MDFIC2: variants seen among roughly 807,000 people sequenced by gnomAD.
The protein encoded by MDFIC2 is MyoD family inhibitor domain containing 2.
chr3:70,207,588 A>G (rs73116290), intron 2 of MDFIC2, among the ~76,000 whole-genome samples: 31,667 of 151,968 alleles, frequency 0.21, 3,801 homozygotes, highest in Non-Finnish European at 0.28. Context: ...CACATCCCCA[A>G]TACAACAAAT....
At chr3:70,204,294 C>G (rs184899561) in intron 3 of MDFIC2, among the ~76,000 whole-genome samples, 1 of 151,918 alleles carries the variant, frequency 6.6e-6, no homozygotes, top group East Asian at 1.9e-4. Context: ...TATCTCAGTA[C>G]GAACAATGAC....
chr3:70,269,967 A>G (rs1010113281), intron 2 of MDFIC2, among the ~76,000 whole-genome samples: 3 of 152,208 alleles, frequency 2.0e-5, no homozygotes, highest in African/African-American at 7.2e-5. Context: ...ATGATCCTCA[A>G]ATAAAGAGAA....
chr3:70,252,119 A>C (rs1035778545), intron 2 of MDFIC2, among the ~76,000 whole-genome samples: 2 of 152,212 alleles, frequency 1.3e-5, no homozygotes, highest in Admixed American at 6.5e-5. Flanking sequence ...AATTCAGCTC[A>C]TATAGATCTG....
chr3:70,290,526 C>G, intron 2 of MDFIC2, among the ~76,000 whole-genome samples: 1 of 152,228 alleles, frequency 6.6e-6, no homozygotes, highest in Admixed American at 6.5e-5. Flanking sequence ...TGTCTGTGCC[C>G]TGCCCCCAGA....
chr3:70,292,680 A>G (rs1702250046), intron 2 of MDFIC2, among the ~76,000 whole-genome samples: 1 of 152,198 alleles, frequency 6.6e-6, no homozygotes, highest in Non-Finnish European at 1.5e-5. Context: ...TCATTTCCAA[A>G]TGTTTTCTCT....
intron 2 of MDFIC2, among the ~76,000 whole-genome samples, chr3:70,232,582 T>C (rs558480890): frequency 3.9e-4 from 60 of 152,026 alleles, no homozygotes; most frequent in African/African-American, 1.4e-3. Context: ...GTATTTTTGA[T>C]AGAGACGGGG....
chr3:70,223,485 G>A (rs1376340394), intron 2 of MDFIC2, among the ~76,000 whole-genome samples: 1 of 152,088 alleles, frequency 6.6e-6, no homozygotes, highest in Admixed American at 6.6e-5. Context: ...TCCTTCCTGA[G>A]CAAAAGTTAC....
intron 2 of MDFIC2, among the ~76,000 whole-genome samples, chr3:70,276,904 C>A (rs9827678): frequency 0.042 from 6,448 of 152,082 alleles, 152 homozygotes; most frequent in Middle Eastern, 0.078. Context: ...AGTTTATGTT[C>A]TCAACTGTAA....
chr3:70,199,021 A>G (rs995323812), intron 3 of MDFIC2, among the ~76,000 whole-genome samples: 1 of 152,228 alleles, frequency 6.6e-6, no homozygotes, highest in Non-Finnish European at 1.5e-5. Flanking sequence ...CTGCACTGGC[A>G]AAGAAGAGGC....
intron 2 of MDFIC2, among the ~76,000 whole-genome samples, chr3:70,304,892 C>T (rs551367801): frequency 6.6e-6 from 1 of 152,228 alleles, no homozygotes; most frequent in East Asian, 1.9e-4. Context: ...CTTCTTTCCC[C>T]TTTTTCGTCA....
chr3:70,283,901 T>G (rs1179788402), intron 2 of MDFIC2: 1 of 152,158 alleles, frequency 6.6e-6, no homozygotes. Context: ...TAATCAAGTA[T>G]TTAATACATG....
intron 2 of MDFIC2, among the ~76,000 whole-genome samples, chr3:70,309,781 T>C (rs778261710): frequency 5.9e-5 from 9 of 152,228 alleles, no homozygotes; most frequent in African/African-American, 9.6e-5. Context: ...TTATGAAATA[T>C]AGTAAACATA....
intron 2 of MDFIC2, among the ~76,000 whole-genome samples, chr3:70,228,663 TTA>T (rs1559540174): frequency 6.6e-6 from 1 of 151,900 alleles, no homozygotes; most frequent in African/African-American, 2.4e-5. Flanking sequence ...GGGCTAAATG[TTA>T]AAAATTGAAA....
intron 2 of MDFIC2, among the ~76,000 whole-genome samples, chr3:70,239,179 G>A (rs531126135): frequency 2.6e-5 from 4 of 152,264 alleles, no homozygotes; most frequent in African/African-American, 4.8e-5. Flanking sequence ...AGGAATTTAC[G>A]TATGTTATGT....
At chr3:70,286,616 G>A (rs1559554364) in intron 2 of MDFIC2, among the ~76,000 whole-genome samples, 1 of 151,946 alleles carries the variant, frequency 6.6e-6, no homozygotes, top group African/African-American at 2.4e-5. Flanking sequence ...GTAGCTTGAT[G>A]GGGATGGCAT....
At chr3:70,307,173 C>G (rs527306158) in intron 2 of MDFIC2, among the ~76,000 whole-genome samples, 2 of 152,034 alleles carry the variant, frequency 1.3e-5, no homozygotes, top group African/African-American at 2.4e-5. Context: ...TTCATTTGTC[C>G]TTGGTATTTT....
chr3:70,288,714 C>G, intron 2 of MDFIC2, among the ~76,000 whole-genome samples: 1 of 151,796 alleles, frequency 6.6e-6, no homozygotes, highest in Non-Finnish European at 1.5e-5. Context: ...GTAGGTCACT[C>G]AGGACTTGCT....
At chr3:70,237,386 A>G (rs1007890964) in intron 2 of MDFIC2, among the ~76,000 whole-genome samples, 3 of 152,320 alleles carry the variant, frequency 2.0e-5, no homozygotes, top group African/African-American at 7.2e-5. Context: ...TAACCAAATA[A>G]AAAAGCCCAT....
intron 2 of MDFIC2, among the ~76,000 whole-genome samples, chr3:70,213,767 T>C (rs1701373396): frequency 1.3e-5 from 2 of 152,144 alleles, no homozygotes; most frequent in Admixed American, 1.3e-4. Flanking sequence ...ATATATAAAA[T>C]ACAGGAAATC....
Sources: gnomAD v4.1 joint callset for allele counts (sites outside exome capture counted in the v4.1 genomes callset) on GRCh38, gnomAD v4.1.1 for gene constraint, MANE v1.5 for transcripts, NCBI Gene and HGNC (gene_info 2026-07-23, HGNC 2026-07-21) for gene names.